The following RTN1 variants were observed in gnomAD, a reference collection of about 807,000 sequenced individuals.
The protein encoded by RTN1 is reticulon-1.
In RTN1, 25 loss-of-function variants were observed where a neutral mutation model predicts 65.5. The observed-to-expected ratio is 0.38, with a 90% CI of 0.28 to 0.53. RTN1 has a LOEUF of 0.53. Ranked by LOEUF, RTN1 falls within the 20% of genes least tolerant of loss-of-function variation. The pLI is 0.79. For synonymous variants in RTN1, 471 were observed against 447.6 expected (o/e 1.05, Z -0.66); for missense variants, 983 against 1,025.4 (o/e 0.96, Z 0.57).
chr14:59,644,029 A>G lies in RTN1; in HGVS notation c.1766-36537T>C, dbSNP rs539573041. On this transcript the variant is annotated intron_variant, in intron 3 of 8. Coordinates refer to ENST00000267484, the MANE Select transcript of RTN1 (RefSeq NM_021136.3). ...AGACTTTGTGAAAAATAGGATGATAATGATTCAACAAATAGGAAGTACTGA... is the reference window on the plus strand; with the variant it reads ...AGACTTTGTGAAAAATAGGATGATAGTGATTCAACAAATAGGAAGTACTGA... Among the ~76,000 whole-genome samples the G allele has an allele frequency of 7.5e-4, 115 of 152,332 alleles. 3 individuals carry two copies. Among genetic ancestry groups the G allele is most frequent in the Admixed American group, 2.6e-4 (4 of 15,296 alleles).
At position 59,749,590 on chromosome 14, in the gene RTN1, T is replaced by C. The variant is rs1176262940; in HGVS notation, c.242-3109A>G. 4.9e-4 allele frequency among the ~76,000 whole-genome samples: 33 copies of C among 66,802 alleles called. 9 individuals are homozygous for C. The highest frequency in any genetic ancestry group is 2.9e-3 in the African/African-American group (26 of 8,940). 43.8% of individuals were successfully genotyped at this position (66,802 alleles called of 152,430 possible). A position where few individuals can be genotyped will look rare whatever the true frequency, so the allele number is the denominator to read the frequency against. ...ATAGATATATATATATAGATATTTA[T>C]ATATATATCTATCTATATATATTTA... On this transcript the variant is annotated intron_variant, in intron 1 of 8. Transcript: ENST00000267484.
intron 3 of RTN1, among the ~76,000 whole-genome samples, chr14:59,721,405 T>C (rs558246670): frequency 6.6e-6 from 1 of 152,356 alleles, no homozygotes; most frequent in East Asian, 1.9e-4. Context: ...ATGATATGTC[T>C]AAGTCATGCT....
At chr14:59,711,410 C>A (rs10151203) in intron 3 of RTN1, among the ~76,000 whole-genome samples, 11,436 of 152,196 alleles carry the variant, frequency 0.075, 1,367 homozygotes, top group African/African-American at 0.26. Flanking sequence ...AAATGCTCTT[C>A]GTGAGTAATA....
intron 1 of RTN1, among the ~76,000 whole-genome samples, chr14:59,860,587 C>A (rs1240057671): frequency 6.6e-6 from 1 of 152,166 alleles, no homozygotes; most frequent in Admixed American, 6.5e-5. Flanking sequence ...AACAGTAGAT[C>A]CATCGACAGC....
At chr14:59,733,286 T>C (rs1884939978) in intron 2 of RTN1, among the ~76,000 whole-genome samples, 1 of 152,148 alleles carries the variant, frequency 6.6e-6, no homozygotes, top group Non-Finnish European at 1.5e-5. Flanking sequence ...ACATACAGTG[T>C]TTCACCATGT....
chr14:59,675,568 T>C (rs970484461), intron 3 of RTN1, among the ~76,000 whole-genome samples: 5 of 140,268 alleles, frequency 3.6e-5, no homozygotes, highest in African/African-American at 1.3e-4. Flanking sequence ...TTAATAATAA[T>C]ATATTTTATA....
chr14:59,757,155 A>T (rs1885656181), intron 1 of RTN1, among the ~76,000 whole-genome samples: 1 of 152,088 alleles, frequency 6.6e-6, no homozygotes, highest in South Asian at 2.1e-4. Context: ...TAATATCCTA[A>T]CCCCAAAGAT....
chr14:59,663,243 T>C (rs1031686902), intron 3 of RTN1, among the ~76,000 whole-genome samples: 1 of 152,160 alleles, frequency 6.6e-6, no homozygotes, highest in African/African-American at 2.4e-5. Context: ...ACTCCTTCCT[T>C]ATACATTATA....
chr14:59,760,346 A>G (rs952962910), intron 1 of RTN1, among the ~76,000 whole-genome samples: 1 of 152,240 alleles, frequency 6.6e-6, no homozygotes, highest in African/African-American at 2.4e-5. Flanking sequence ...TATCTGCATA[A>G]AGAAAACACT....
At chr14:59,671,773 T>C (rs1883509776) in intron 3 of RTN1, among the ~76,000 whole-genome samples, 1 of 152,182 alleles carries the variant, frequency 6.6e-6, no homozygotes, top group Non-Finnish European at 1.5e-5. Flanking sequence ...AGGCCAATGC[T>C]TAGGCGGGGA....
intron 1 of RTN1, among the ~76,000 whole-genome samples, chr14:59,779,973 T>A (rs1057453429): frequency 6.6e-6 from 1 of 152,178 alleles, no homozygotes; most frequent in African/African-American, 2.4e-5. Context: ...CGAGTTTCCC[T>A]TGCTACACTA....
At chr14:59,713,764 C>A (rs991280622) in intron 3 of RTN1, among the ~76,000 whole-genome samples, 1 of 151,460 alleles carries the variant, frequency 6.6e-6, no homozygotes, top group African/African-American at 2.5e-5. Flanking sequence ...TTTTTAATGA[C>A]AACATTTCAG....
At chr14:59,768,904 G>C (rs575476346) in intron 1 of RTN1, among the ~76,000 whole-genome samples, 15 of 152,116 alleles carry the variant, frequency 9.9e-5, no homozygotes, top group Non-Finnish European at 1.6e-4. Flanking sequence ...TTGAGAATTA[G>C]AGAAAAGTCA....
chr14:59,630,464 T>C, intron 3 of RTN1: 1 of 1,613,826 alleles, frequency 6.2e-7, no homozygotes, highest in Non-Finnish European at 8.5e-7. Flanking sequence ...TTCCAGTTGC[T>C]CCACACACAG....
intron 3 of RTN1, among the ~76,000 whole-genome samples, chr14:59,627,509 G>A (rs555549912): frequency 6.6e-6 from 1 of 152,322 alleles, no homozygotes; most frequent in Non-Finnish European, 1.5e-5. Flanking sequence ...GTACTGATCT[G>A]TAAGATTGTT....
chr14:59,753,221 A>G (rs1885567888), intron 1 of RTN1, among the ~76,000 whole-genome samples: 1 of 152,192 alleles, frequency 6.6e-6, no homozygotes, highest in African/African-American at 2.4e-5. Context: ...ATAAAATATT[A>G]TTAGAGAGGC....
intron 3 of RTN1, among the ~76,000 whole-genome samples, chr14:59,616,597 T>C (rs12890142): frequency 0.48 from 72,307 of 152,056 alleles, 18,840 homozygotes; most frequent in East Asian, 0.84. Context: ...CAATTTAGTG[T>C]ACATTATTAA....
chr14:59,634,630 C>G (rs1459423013), intron 3 of RTN1, among the ~76,000 whole-genome samples: 1 of 152,150 alleles, frequency 6.6e-6, no homozygotes, highest in African/African-American at 2.4e-5. Context: ...GGACCTGTCT[C>G]CATAAATACA....
intron 1 of RTN1, among the ~76,000 whole-genome samples, chr14:59,869,498 G>C (rs1465537344): frequency 6.6e-6 from 1 of 151,066 alleles, no homozygotes. Context: ...AGGGGCCTGG[G>C]CTCCCGCTGG....
Sources: allele counts gnomAD v4.1 joint callset (sites outside exome capture counted in the v4.1 genomes callset), GRCh38; gene constraint gnomAD v4.1.1; transcripts MANE v1.5; gene names NCBI Gene and HGNC (gene_info 2026-07-23, HGNC 2026-07-21).